Variants in ARHGAP42 observed in about 807,000 individuals in gnomAD.
ARHGAP42 encodes the protein rho GTPase-activating protein 42.
ARHGAP42 carries 63 observed loss-of-function variants against 125.0 expected under a neutral mutation model. That is an observed-to-expected ratio of 0.50 (90% CI 0.41 to 0.62). The LOEUF (loss-of-function observed/expected upper bound fraction) is 0.62. Ranked by LOEUF, ARHGAP42 falls within the 20% of genes least tolerant of loss-of-function variation. The pLI, the probability that ARHGAP42 is intolerant of heterozygous loss-of-function variation, is 0.00. For synonymous variants in ARHGAP42, 339 were observed against 351.0 expected (o/e 0.97, Z 0.38); for missense variants, 766 against 1,024.2 (o/e 0.75, Z 3.44).
chr11:100,982,956 T>A (rs1304640087), intron 22 of ARHGAP42, among the ~76,000 whole-genome samples: 3 of 152,190 alleles, frequency 2.0e-5, no homozygotes, highest in African/African-American at 7.2e-5. Flanking sequence ...AAATTTGTGA[T>A]GTTTAAAATA....
chr11:100,812,126 T>G (rs768910219), intron 3 of ARHGAP42, among the ~76,000 whole-genome samples: 1 of 152,158 alleles, frequency 6.6e-6, no homozygotes, highest in Non-Finnish European at 1.5e-5. Flanking sequence ...TATGAATGAA[T>G]GAGCCTTCAT....
intron 5 of ARHGAP42, among the ~76,000 whole-genome samples, chr11:100,920,418 A>G (rs982206383): frequency 6.6e-6 from 1 of 152,138 alleles, no homozygotes; most frequent in African/African-American, 2.4e-5. Flanking sequence ...TCTTACCAAT[A>G]AAATCTTTTT....
intron 4 of ARHGAP42, among the ~76,000 whole-genome samples, chr11:100,901,486 C>T (rs1866545966): frequency 1.3e-5 from 2 of 152,224 alleles, no homozygotes; most frequent in Admixed American, 1.3e-4. Flanking sequence ...AAGTTGTCTG[C>T]TACCTTTTGT....
At chr11:100,978,940 T>C (rs1204835921) in intron 21 of ARHGAP42, 47 bp from the exon 22 acceptor site, 1 of 1,536,688 alleles carries the variant, frequency 6.5e-7, no homozygotes, top group Non-Finnish European at 8.8e-7. Flanking sequence ...TGAGCAGAAC[T>C]GAATGTGATT....
intron 5 of ARHGAP42, among the ~76,000 whole-genome samples, chr11:100,921,273 T>A (rs1330706880): frequency 2.2e-5 from 2 of 90,270 alleles, no homozygotes; most frequent in African/African-American, 4.2e-5. Context: ...TTTTTTTTTT[T>A]ACTGCAATGG....
In ARHGAP42 at chr11:100,913,443, C is replaced by T; in HGVS notation, c.385-9C>T. The T allele has an allele frequency of 8.2e-7, 1 of 1,219,200 alleles. No individual in the cohort carries two copies. Among genetic ancestry groups the T allele is most frequent in the Non-Finnish European group, 1.1e-6 (1 of 941,706 alleles). 75.5% of individuals were successfully genotyped at this position (1,219,200 alleles called of 1,614,324 possible). The stretch of plus-strand genomic sequence containing the variant: ...TTAAATATTTTTTGTTGTTATTGCT[C>T]TCCTTTAGGATGGAAAGAAGAAGTT... On this transcript the variant is annotated splice_polypyrimidine_tract_variant and intron_variant, in intron 4 of 23. Transcript: ENST00000298815.
intron 3 of ARHGAP42, among the ~76,000 whole-genome samples, chr11:100,838,741 G>A (rs1864874661): frequency 6.6e-6 from 1 of 151,746 alleles, no homozygotes; most frequent in South Asian, 2.1e-4. Context: ...AAAAATCATA[G>A]TGTTTAAAAA....
intron 4 of ARHGAP42, among the ~76,000 whole-genome samples, chr11:100,867,439 A>G (rs1003454431): frequency 3.9e-5 from 6 of 152,194 alleles, no homozygotes; most frequent in African/African-American, 1.4e-4. Context: ...CCTGAGACGT[A>G]TATGTTAGGA....
At chr11:100,941,159 C>T (rs1051173517) in intron 8 of ARHGAP42, among the ~76,000 whole-genome samples, 1 of 152,032 alleles carries the variant, frequency 6.6e-6, no homozygotes, top group Admixed American at 6.6e-5. Flanking sequence ...ACTACAAATG[C>T]CCTTGGGTAG....
intron 3 of ARHGAP42, among the ~76,000 whole-genome samples, chr11:100,827,665 C>T (rs1158023284): frequency 6.6e-6 from 1 of 152,232 alleles, no homozygotes; most frequent in Non-Finnish European, 1.5e-5. Flanking sequence ...ACAGGAGAGG[C>T]ACTGCCCACA....
intron 3 of ARHGAP42, among the ~76,000 whole-genome samples, chr11:100,849,042 A>G (rs962333010): frequency 4.6e-5 from 7 of 152,246 alleles, no homozygotes; most frequent in Non-Finnish European, 1.0e-4. Context: ...AGCCAATTCT[A>G]TGAACTGAAA....
intron 22 of ARHGAP42, among the ~76,000 whole-genome samples, chr11:100,980,153 C>A (rs1248266764): frequency 2.0e-5 from 3 of 152,078 alleles, no homozygotes; most frequent in African/African-American, 4.8e-5. Context: ...ATGGTCAGTG[C>A]CTAGCATTTA....
intron 4 of ARHGAP42, among the ~76,000 whole-genome samples, chr11:100,874,271 T>C (rs1352529644): frequency 6.6e-6 from 1 of 152,168 alleles, no homozygotes; most frequent in Non-Finnish European, 1.5e-5. Context: ...CTAGTCCCAA[T>C]AGACAGCACT....
At chr11:100,790,674 G>C (rs1290904278) in intron 2 of ARHGAP42, among the ~76,000 whole-genome samples, 1 of 152,014 alleles carries the variant, frequency 6.6e-6, no homozygotes, top group Non-Finnish European at 1.5e-5. Context: ...AATAGATTGT[G>C]GAAATGTATT....
chr11:100,711,659 C>G (rs1295380383), intron 1 of ARHGAP42, among the ~76,000 whole-genome samples: 1 of 152,202 alleles, frequency 6.6e-6, no homozygotes, highest in Non-Finnish European at 1.5e-5. Flanking sequence ...TGCCCAGCCC[C>G]TTTTCTCAGT....
intron 4 of ARHGAP42, among the ~76,000 whole-genome samples, chr11:100,904,107 T>C (rs1866653163): frequency 6.6e-6 from 1 of 152,120 alleles, no homozygotes; most frequent in Admixed American, 6.5e-5. Context: ...TTTGTATCCT[T>C]CAATCTAATC....
At chr11:100,714,760 G>A (rs1861625996) in intron 1 of ARHGAP42, among the ~76,000 whole-genome samples, 1 of 152,110 alleles carries the variant, frequency 6.6e-6, no homozygotes, top group Admixed American at 6.6e-5. Context: ...GCCAGGCACA[G>A]TGGTAACGCC....
In ARHGAP42 at chr11:100,687,318, G is replaced by A. The variant is rs1861097821; in HGVS notation, c.-361G>A. On this transcript the variant is annotated 5_prime_UTR_variant, in exon 1 of 24. Transcript: ENST00000298815. ...GCCGACGACTGTCAAGAGAGTTGGG[G>A]AGTGGAACTGCCGGAAGTGTCTGCG... Among the ~76,000 whole-genome samples the A allele has an allele frequency of 6.6e-6, 1 of 152,120 alleles. No homozygotes were observed. Among genetic ancestry groups the A allele is most frequent in the African/African-American group, 2.4e-5 (1 of 41,438 alleles).
At chr11:100,916,541 TAAC>T (rs1323922837) in intron 5 of ARHGAP42, among the ~76,000 whole-genome samples, 5 of 152,116 alleles carry the variant, frequency 3.3e-5, no homozygotes, top group Admixed American at 6.5e-5. Context: ...AAAACGCAAA[TAAC>T]AACATGTCAT....
Sources: allele counts gnomAD v4.1 joint callset (sites outside exome capture counted in the v4.1 genomes callset), GRCh38; gene constraint gnomAD v4.1.1; transcripts MANE v1.5; gene names NCBI Gene and HGNC (gene_info 2026-07-23, HGNC 2026-07-21).